PPWD1: variants seen among roughly 807,000 people sequenced by gnomAD.
PPWD1 encodes peptidylprolyl isomerase domain and WD repeat containing 1.
Under a neutral mutation model 68.8 loss-of-function variants are expected in PPWD1, and 43 were observed. That is an observed-to-expected ratio of 0.62 (90% CI 0.49 to 0.81). The LOEUF (loss-of-function observed/expected upper bound fraction) is 0.81, where lower values mean the gene tolerates loss of function less well. Ranked by LOEUF, PPWD1 falls within the 30% of genes least tolerant of loss-of-function variation. The probability of loss-of-function intolerance (pLI) is 0.00; values close to 1 mark genes in which losing one functional copy is unlikely to be tolerated. For synonymous variants in PPWD1, 232 were observed against 258.7 expected (o/e 0.90, Z 0.99); for missense variants, 672 against 804.8 (o/e 0.83, Z 2.00).
intron 7 of PPWD1, 141 bp downstream of exon 7, chr5:65,579,754 T>A: frequency 1.9e-6 from 1 of 527,452 alleles, no homozygotes; most frequent in Non-Finnish European, 3.0e-6. Context: ...CTTACATTAA[T>A]ATTGTAGAAT....
Position 65,577,422 on chromosome 5 carries a change from C to G in PPWD1, c.1160+353C>G, listed in dbSNP as rs866709404. Among the ~76,000 whole-genome samples the G allele has an allele frequency of 4.6e-5, 7 of 152,278 alleles. No homozygotes were observed. In the Middle Eastern group the frequency reaches 0.02, roughly 444 times the overall value. ...TTAACCACAGAATTCAGCATTACTT[C>G]CTGCTAGACATAAAATCAAAAGTTA... On this transcript the variant is annotated intron_variant, in intron 6 of 10. Transcript: ENST00000261308.
chr5:65,571,790 C>T (rs1009689313), intron 4 of PPWD1, 49 bp from the exon 5 acceptor site: 1 of 1,577,576 alleles, frequency 6.3e-7, no homozygotes, highest in Non-Finnish European at 8.6e-7. Flanking sequence ...GGGATGCTTG[C>T]TTGTTGTGCT....
intron 8 of PPWD1, 176 bp from the exon 9 acceptor site, chr5:65,584,838 T>C (rs1484901301): frequency 2.0e-6 from 1 of 495,216 alleles, no homozygotes; most frequent in African/African-American, 2.1e-5. Context: ...AATATACTAC[T>C]TACATGACCC....
At chr5:65,570,273 C>T in intron 4 of PPWD1, 1 of 906,142 alleles carries the variant, frequency 1.1e-6, no homozygotes, top group Non-Finnish European at 1.3e-6. Flanking sequence ...TACTGGAGCT[C>T]TGTCATATCT....
intron 1 of PPWD1, among the ~76,000 whole-genome samples, chr5:65,565,816 A>C (rs1001619807): frequency 7.2e-5 from 11 of 151,790 alleles, no homozygotes; most frequent in Admixed American, 5.2e-4. Flanking sequence ...TCAAAAAAAA[A>C]AAAAAAAAAA....
At chr5:65,583,894 G>A (rs1313294048) in intron 8 of PPWD1, among the ~76,000 whole-genome samples, 1 of 152,156 alleles carries the variant, frequency 6.6e-6, no homozygotes, top group Non-Finnish European at 1.5e-5. Flanking sequence ...TGAGGCTGCA[G>A]TTAGCTATGG....
Position 65,585,055 on chromosome 5 carries a change from A to G in PPWD1, c.1574A>G (p.Asn525Ser). The G allele has an allele frequency of 6.2e-7, 1 of 1,612,434 alleles. No individual in the cohort carries two copies. Among genetic ancestry groups the G allele is most frequent in the Non-Finnish European group, 8.5e-7 (1 of 1,178,676 alleles). The change falls in exon 9 of 11, where the codon AAT becomes AGT. Residue 525 changes from asparagine to serine, a missense_variant. Asn to Ser is a conservative substitution (Grantham distance 46). Coordinates refer to ENST00000261308, the MANE Select transcript of PPWD1 (RefSeq NM_015342.4). Reference sequence around the variant, plus strand: ...GAAAACTTCTGTGTTCACAGCAGAAATGGTTATTATAATGGGCATACATTT... The same window carrying G: ...GAAAACTTCTGTGTTCACAGCAGAAGTGGTTATTATAATGGGCATACATTT... ...TVENFCVHSR[N>S]GYYNGHTFHR...
rs199936033 is a variant in PPWD1, at chr5:65,576,952, G to A, written c.1043G>A (p.Arg348His). ...MEFGRRMAVE[R>H]ELEKVDAVRL... ...TTTGGCCGACGAATGGCTGTAGAAC[G>A]TGAGTTGGAGAAGGTTGATGCTGTA... The change falls in exon 6 of 11, where the codon CGT (arginine) becomes CAT (histidine). Residue 348 changes from arginine to histidine, a missense_variant. Physicochemically the swap from Arg to His is conservative, Grantham distance 29. This residue lies in a region of PPWD1 where 484 missense variants were observed against 646.2 expected (regional missense o/e 0.75). Coordinates refer to ENST00000261308, the MANE Select transcript of PPWD1 (RefSeq NM_015342.4). 4 of 1,614,106 alleles carry A rather than the reference G, an allele frequency of 2.5e-6. No homozygotes were observed. Among genetic ancestry groups the A allele is most frequent in the East Asian group, 2.2e-5 (1 of 44,866 alleles).
At chr5:65,569,448 C>A in intron 2 of PPWD1, 184 bp from the exon 3 acceptor site, 1 of 474,674 alleles carries the variant, frequency 2.1e-6, no homozygotes, top group Non-Finnish European at 3.4e-6. Flanking sequence ...ACTGTTTTGA[C>A]ATCCAGAAAG....
Position 65,563,489 on chromosome 5 carries a change from T to G in PPWD1, c.179T>G (p.Leu60Arg), listed in dbSNP as rs145240557. Residue 60 changes from leucine to arginine, a missense_variant, in exon 1 of 11, where the codon CTG (leucine) becomes CGG (arginine). Physicochemically the swap from Leu to Arg is moderately radical, Grantham distance 102. This residue lies in a region of PPWD1 where 188 missense variants were observed against 158.6 expected (regional missense o/e 1.19). Transcript: ENST00000261308. ...GGACCTTTACCTGTGGAGGCAACAC[T>G]GGCCAAGAAGAGGAAAGGTAGCTGC... ...WVGPLPVEAT[L>R]AKKRKVLEFE... is the part of the protein sequence containing the mutation. 5.5e-5 allele frequency: 88 copies of G among 1,612,696 alleles called. No homozygotes were observed. Among genetic ancestry groups the G allele is most frequent in the Non-Finnish European group, 7.4e-5 (87 of 1,179,616 alleles).
intron 1 of PPWD1, chr5:65,563,897 A>G: frequency 7.0e-7 from 1 of 1,424,268 alleles, no homozygotes; most frequent in Non-Finnish European, 9.6e-7. Context: ...GTGTTAATGT[A>G]TTAATGTGTT....
Position 65,569,905 on chromosome 5 carries a change from C to T in PPWD1, c.428C>T (p.Ser143Phe). 3 of 1,610,446 alleles carry T rather than the reference C, an allele frequency of 1.9e-6. No individual in the cohort carries two copies. The highest frequency in any genetic ancestry group is 1.7e-6 in the Non-Finnish European group (2 of 1,177,544). Residue 143 changes from serine to phenylalanine, a missense_variant, in exon 4 of 11, where the codon TCT becomes TTT. Physicochemically the swap from Ser to Phe is radical, Grantham distance 155. This residue lies in a region of PPWD1 where 484 missense variants were observed against 646.2 expected (regional missense o/e 0.75). Coordinates refer to ENST00000261308, the MANE Select transcript of PPWD1 (RefSeq NM_015342.4). ...GTTATTGAGAGTATTGCAGTTAGCTCTGAGGGAGCATTGTTCTGTTCTGTG... is the reference window on the plus strand; with the variant it reads ...GTTATTGAGAGTATTGCAGTTAGCTTTGAGGGAGCATTGTTCTGTTCTGTG... Reference protein sequence around the residue: ...LGVIESIAVSSEGALFCSVGD... With the variant: ...LGVIESIAVSFEGALFCSVGD...
intron 4 of PPWD1, among the ~76,000 whole-genome samples, chr5:65,570,810 T>G (rs1423756524): frequency 1.3e-5 from 2 of 152,034 alleles, no homozygotes; most frequent in Non-Finnish European, 2.9e-5. Context: ...CCCATCAGAT[T>G]AGGACCCCAC....
intron 7 of PPWD1, among the ~76,000 whole-genome samples, chr5:65,581,028 C>T (rs37337): frequency 0.62 from 94,284 of 151,972 alleles, 29,508 homozygotes; most frequent in South Asian, 0.65. Flanking sequence ...GAAATGACTA[C>T]AGCATTACAG....
intron 2 of PPWD1, chr5:65,569,141 C>A: frequency 2.5e-6 from 1 of 392,932 alleles, no homozygotes. Flanking sequence ...TTTTTACATA[C>A]CTAATAGGAA....
chr5:65,584,762 A>G (rs1309501054), intron 8 of PPWD1, among the ~76,000 whole-genome samples: 1 of 152,134 alleles, frequency 6.6e-6, no homozygotes, highest in African/African-American at 2.4e-5. Context: ...TTGAAATTTT[A>G]ATACTGTCAA....
chr5:65,576,825 T>C (rs1449001783), intron 5 of PPWD1, 54 bp from the exon 6 acceptor site: 8 of 1,553,540 alleles, frequency 5.1e-6, no homozygotes, highest in East Asian at 4.5e-5. Flanking sequence ...TGGGTTGATA[T>C]AGATATAGGT....
chr5:65,568,628 C>G, intron 2 of PPWD1, among the ~76,000 whole-genome samples: 1 of 152,050 alleles, frequency 6.6e-6, no homozygotes, highest in East Asian at 1.9e-4. Flanking sequence ...GTATAGAAAT[C>G]TGGATGAGAT....
At chr5:65,568,972 C>A in intron 2 of PPWD1, 1 of 455,794 alleles carries the variant, frequency 2.2e-6, no homozygotes, top group Non-Finnish European at 4.4e-6. Flanking sequence ...GATTGAAAGC[C>A]ACTCTAGCTA....
Sources: allele counts gnomAD v4.1 joint callset (sites outside exome capture counted in the v4.1 genomes callset), GRCh38; gene constraint gnomAD v4.1.1; regional missense constraint gnomAD v4.1.1; transcripts MANE v1.5; gene names NCBI Gene and HGNC (gene_info 2026-07-23, HGNC 2026-07-21).